Variants in ZNF827 observed in about 807,000 individuals in gnomAD.
The protein encoded by ZNF827 is zinc finger protein 827.
A neutral mutation model predicts 102.4 loss-of-function variants in ZNF827; 13 were observed. The ratio of observed to expected loss-of-function variants is 0.13; its 90% CI spans 0.08 to 0.20. The LOEUF is 0.20. Ranked by LOEUF, ZNF827 falls within the 10% of genes least tolerant of loss-of-function variation. The pLI, the probability that ZNF827 is intolerant of heterozygous loss-of-function variation, is 1.00. For synonymous variants in ZNF827, 523 were observed against 536.2 expected, an observed-to-expected ratio of 0.98 and a Z score of 0.34; for missense variants, 1,103 against 1,344.4, an observed-to-expected ratio of 0.82 and a Z score of 2.81.
At chr4:145,836,958 G>A (rs1744907459) in intron 7 of ZNF827, among the ~76,000 whole-genome samples, 1 of 152,174 alleles carries the variant, frequency 6.6e-6, no homozygotes, top group African/African-American at 2.4e-5. Flanking sequence ...GCCCCACCTA[G>A]TACTGGTAAA....
intron 11 of ZNF827, among the ~76,000 whole-genome samples, chr4:145,774,205 G>GA (rs1736689111): frequency 6.6e-6 from 1 of 152,176 alleles, no homozygotes; most frequent in Admixed American, 6.5e-5. Context: ...CTGGGGCATT[G>GA]AAAGACTGTC....
At chr4:145,786,897 T>A (rs1405316987) in intron 8 of ZNF827, among the ~76,000 whole-genome samples, 1 of 152,246 alleles carries the variant, frequency 6.6e-6, no homozygotes, top group Non-Finnish European at 1.5e-5. Flanking sequence ...GGATCTACCT[T>A]GCAGTGTCAC....
chr4:145,888,595 TA>T (rs1750328292), intron 3 of ZNF827, among the ~76,000 whole-genome samples: 1 of 152,168 alleles, frequency 6.6e-6, no homozygotes, highest in South Asian at 2.1e-4. Context: ...CATCCCCCAC[TA>T]GGGGGACAGG....
At chr4:145,784,773 G>A (rs2127013474) in intron 8 of ZNF827, among the ~76,000 whole-genome samples, 1 of 152,164 alleles carries the variant, frequency 6.6e-6, no homozygotes, top group African/African-American at 2.4e-5. Context: ...CTTAGCATTT[G>A]TTTCATTATT....
chr4:145,896,491 A>G (rs569394711), intron 2 of ZNF827, among the ~76,000 whole-genome samples: 1 of 152,336 alleles, frequency 6.6e-6, no homozygotes, highest in South Asian at 2.1e-4. Context: ...TTGTGTCTCC[A>G]GCCCCCAAAC....
At chr4:145,876,667 T>C (rs1389855741) in intron 4 of ZNF827, 1 of 152,194 alleles carries the variant, frequency 6.6e-6, no homozygotes, top group Non-Finnish European at 1.5e-5. Flanking sequence ...CCTAGAGAGA[T>C]TAAATACATT....
intron 8 of ZNF827, among the ~76,000 whole-genome samples, chr4:145,816,206 A>G (rs1006880720): frequency 5.9e-5 from 9 of 152,182 alleles, no homozygotes; most frequent in Non-Finnish European, 1.3e-4. Context: ...GGATGTTACC[A>G]TTTCCCACAA....
intron 8 of ZNF827, among the ~76,000 whole-genome samples, chr4:145,797,515 A>C (rs1461353071): frequency 6.6e-6 from 1 of 152,218 alleles, no homozygotes; most frequent in Admixed American, 6.5e-5. Context: ...TACTCACAAA[A>C]GCTGCCTGAC....
rs1742949316 is a variant in ZNF827 at position 145,819,613 on chromosome 4, T to C, written c.2383+3809A>G. 2.0e-5 allele frequency among the ~76,000 whole-genome samples: 3 copies of C among 152,344 alleles called. No individual in the cohort carries two copies. The South Asian group carries it at 6.2e-4, about 32-fold the overall frequency. On this transcript the variant is annotated intron_variant, in intron 8 of 14. Transcript: ENST00000508784. ...ACATTAAATTTCACGTAGTCTGTAA[T>C]TTCTATCTCCCCCATGATAGGAAAG...
At chr4:145,861,016 T>C (rs1234849617) in intron 5 of ZNF827, among the ~76,000 whole-genome samples, 2 of 152,206 alleles carry the variant, frequency 1.3e-5, no homozygotes, top group Non-Finnish European at 2.9e-5. Context: ...CACCACGCAG[T>C]AGAGCCCTTG....
In ZNF827 at chr4:145,902,451, C is replaced by T. The variant is rs1751502887; in HGVS notation, c.808G>A (p.Glu270Lys). The change falls in exon 2 of 15, where the codon GAG (glutamate) becomes AAG (lysine). Residue 270 changes from glutamate to lysine, a missense_variant. This residue lies in a region of ZNF827 where 441 missense variants were observed against 458.6 expected (regional missense o/e 0.96). Transcript: ENST00000508784. The surrounding 1 kb of genome is among the most constrained non-coding windows in gnomAD (Gnocchi z 4.3). ...VSERSLTPGQ[E>K]HPPPASSFLS... ...AAGGAGCTGGCCGGTGGAGGGTGCT[C>T]CTGACCAGGAGTCAAACTTCTTTCA... The T allele has an allele frequency of 3.1e-6, 5 of 1,614,002 alleles. No homozygotes were observed. The highest frequency in any genetic ancestry group is 4.2e-6 in the Non-Finnish European group (5 of 1,180,024).
intron 5 of ZNF827, 128 bp from the exon 6 acceptor site, chr4:145,849,689 A>C (rs1387750759): frequency 7.2e-7 from 1 of 1,393,932 alleles, no homozygotes; most frequent in Non-Finnish European, 9.7e-7. Flanking sequence ...CGTGCACGGC[A>C]CACTGGACCA....
At chr4:145,767,089 ATC>A (rs1262783955) in intron 11 of ZNF827, among the ~76,000 whole-genome samples, 1 of 152,238 alleles carries the variant, frequency 6.6e-6, no homozygotes, top group African/African-American at 2.4e-5. Flanking sequence ...ATTGAGAATA[ATC>A]AACCAATCAA....
At chr4:145,898,774 T>C (rs1751176214) in intron 2 of ZNF827, among the ~76,000 whole-genome samples, 1 of 152,100 alleles carries the variant, frequency 6.6e-6, no homozygotes, top group Non-Finnish European at 1.5e-5. Flanking sequence ...TGAATCCTGT[T>C]CAAAAAAGAA....
chr4:145,775,962 T>TG lies in ZNF827; in HGVS notation c.2522-3dup. On this transcript the variant is annotated splice_region_variant and splice_polypyrimidine_tract_variant and intron_variant, in intron 9 of 14. Transcript: ENST00000508784. ...AGTGGCATTTGTATTTTCTTTCCTC[T>TG]GGGGGAGAAGGAACAGGAAAAAGCC... 1 of 1,614,022 alleles carries TG rather than the reference T, an allele frequency of 6.2e-7. No homozygotes were observed. The highest frequency in any genetic ancestry group is 8.5e-7 in the Non-Finnish European group (1 of 1,180,006).
At chr4:145,858,763 G>A (rs1031854718) in intron 5 of ZNF827, among the ~76,000 whole-genome samples, 13 of 152,240 alleles carry the variant, frequency 8.5e-5, no homozygotes, top group African/African-American at 3.1e-4. Context: ...CTGATGGGTT[G>A]GCCATTGCTT....
intron 9 of ZNF827, among the ~76,000 whole-genome samples, chr4:145,778,107 C>T (rs1326059194): frequency 6.6e-6 from 1 of 152,004 alleles, no homozygotes; most frequent in Non-Finnish European, 1.5e-5. Flanking sequence ...GTTTGGGCAG[C>T]ATGGAGAAAC....
chr4:145,830,607 T>G (rs995659264), intron 7 of ZNF827: 2 of 152,202 alleles, frequency 1.3e-5, no homozygotes, highest in Non-Finnish European at 2.9e-5. Context: ...TTTTATTAAT[T>G]TATTTGCTAA....
At chr4:145,768,858 CAAAAAAAAA>C (rs1174930111) in intron 11 of ZNF827, among the ~76,000 whole-genome samples, 1 of 4,530 alleles carries the variant, frequency 2.2e-4, no homozygotes, top group Non-Finnish European at 4.6e-4. Context: ...GACTCCGTCT[CAAAAAAAAA>C]AAAAAAAAAA....
Sources: gnomAD v4.1 joint callset for allele counts (sites outside exome capture counted in the v4.1 genomes callset) on GRCh38, gnomAD v4.1.1 for gene constraint, gnomAD v4.1.1 regional missense constraint, Gnocchi (gnomAD v3.1) non-coding constraint, MANE v1.5 for transcripts, NCBI Gene and HGNC (gene_info 2026-07-23, HGNC 2026-07-21) for gene names.